The following CRISPLD1 variants were observed in gnomAD, a reference collection of about 807,000 sequenced individuals.
CRISPLD1 encodes cysteine rich secretory protein LCCL domain containing 1, also known as cysteine-rich secretory protein LCCL domain-containing 1.
A neutral mutation model predicts 77.5 loss-of-function variants in CRISPLD1; 60 were observed. The ratio of observed to expected loss-of-function variants is 0.77; its 90% CI spans 0.63 to 0.96. CRISPLD1 has a LOEUF of 0.96. Ranked by LOEUF, CRISPLD1 falls within the 40% of genes least tolerant of loss-of-function variation. CRISPLD1 has a pLI of 0.00. For missense variants in CRISPLD1, 623 were observed against 615.8 expected, an observed-to-expected ratio of 1.01 and a Z score of -0.12; for synonymous variants, 195 against 200.1, an observed-to-expected ratio of 0.97 and a Z score of 0.22.
rs1563395175 is a variant in CRISPLD1 at position 75,003,948 on chromosome 8, G to A, written c.259-8485G>A. 2.6e-5 allele frequency among the ~76,000 whole-genome samples: 4 copies of A among 152,226 alleles called. No homozygotes were observed. The East Asian group carries it at 5.8e-4, about 22-fold the overall frequency. On this transcript the variant is annotated intron_variant, in intron 2 of 14. Transcript: ENST00000262207. ...TGATATATTTATATATTGATACAAT[G>A]GGTTTAATTGAAATAATCTTGTGAG...
chr8:75,034,534 GCTCT>G lies in CRISPLD1; in HGVS notation c.*2295_*2298del, dbSNP rs1233916650. 6.6e-5 allele frequency: 10 copies of G among 152,000 alleles called. No homozygotes were observed. Among genetic ancestry groups the G allele is most frequent in the South Asian group, 4.1e-4 (2 of 4,824 alleles). The allele number at this position is 152,000 out of a possible 1,614,324, so 9.4% of individuals were successfully genotyped here. A position where few individuals can be genotyped will look rare whatever the true frequency, so the allele number is the denominator to read the frequency against. The stretch of plus-strand genomic sequence containing the variant: ...GTGATTCTCCTTGTAAGAATTAAAT[GCTCT>G]CTAATATGATATCCCTTTAATTTGA... On this transcript the variant is annotated 3_prime_UTR_variant, in exon 15 of 15. Transcript: ENST00000262207.
rs114637563 is a variant in CRISPLD1 at position 75,016,341 on chromosome 8, C to T, written c.728-224C>T. Among the ~76,000 whole-genome samples the T allele has an allele frequency of 5.3e-3, 801 of 152,100 alleles. 2 individuals carry two copies. The highest frequency in any genetic ancestry group is 0.011 in the African/African-American group (437 of 41,512). ...AGAAGTGGCTTCATTGAATATTAGTCGAACATTAACATAAATGAATCAAGG... is the reference window on the plus strand; with the variant it reads ...AGAAGTGGCTTCATTGAATATTAGTTGAACATTAACATAAATGAATCAAGG... On this transcript the variant is annotated intron_variant, in intron 6 of 14. Transcript: ENST00000262207.
intron 2 of CRISPLD1, among the ~76,000 whole-genome samples, chr8:75,002,613 A>G (rs1812764367): frequency 6.6e-6 from 1 of 151,922 alleles, no homozygotes; most frequent in African/African-American, 2.4e-5. Context: ...TGGTGAAGAC[A>G]GGTGCCTGGA....
At position 74,984,615 on chromosome 8, in the gene CRISPLD1, G is replaced by C. The variant is rs1181186343; in HGVS notation, c.-368G>C. On this transcript the variant is annotated 5_prime_UTR_variant, in exon 1 of 15. Coordinates refer to ENST00000262207, the MANE Select transcript of CRISPLD1 (RefSeq NM_031461.6). ...GTTCGTGTCCCCGCCCCTCGCTCCT[G>C]CAGCTACTGCTCAGAAACGCTGGGG... The C allele has an allele frequency of 6.5e-6, 1 of 152,822 alleles. No homozygotes were observed. Among genetic ancestry groups the C allele is most frequent in the Non-Finnish European group, 1.5e-5 (1 of 68,552 alleles). 9.5% of individuals were successfully genotyped at this position (152,822 alleles called of 1,614,324 possible). A position where few individuals can be genotyped will look rare whatever the true frequency, so the allele number is the denominator to read the frequency against.
At chr8:75,017,257 AG>A in intron 9 of CRISPLD1, 62 bp from the exon 10 acceptor site, 2 of 1,575,412 alleles carry the variant, frequency 1.3e-6, no homozygotes, top group Non-Finnish European at 1.7e-6. Context: ...AGTGGTAAAT[AG>A]TTGGGACTTA....
intron 14 of CRISPLD1, among the ~76,000 whole-genome samples, chr8:75,031,565 CTCTGTG>C (rs1161520034): frequency 8.6e-4 from 75 of 87,548 alleles, no homozygotes; most frequent in Non-Finnish European, 1.1e-3. Flanking sequence ...AGATTGAATG[CTCTGTG>C]TGTGTGTGTG....
intron 6 of CRISPLD1, among the ~76,000 whole-genome samples, chr8:75,015,602 G>A (rs1039218661): frequency 6.6e-6 from 1 of 152,130 alleles, no homozygotes; most frequent in African/African-American, 2.4e-5. Flanking sequence ...ACTAAAAGAG[G>A]AATAATGTAG....
intron 13 of CRISPLD1, chr8:75,026,785 A>G (rs1213721112): frequency 2.0e-5 from 3 of 152,014 alleles, no homozygotes; most frequent in Non-Finnish European, 4.4e-5. Context: ...ACTTACCAAG[A>G]TTTTTTTCAG....
chr8:75,012,670 C>T (rs556208820), intron 3 of CRISPLD1, 119 bp downstream of exon 3: 1 of 838,002 alleles, frequency 1.2e-6, no homozygotes, highest in African/African-American at 1.7e-5. Context: ...AATCACGAAA[C>T]AAGTAACAAA....
At chr8:75,002,338 A>G (rs1382764355) in intron 2 of CRISPLD1, among the ~76,000 whole-genome samples, 2 of 149,194 alleles carry the variant, frequency 1.3e-5, no homozygotes, top group African/African-American at 5.0e-5. Flanking sequence ...TTATAGGAAC[A>G]GGGGAAGAAG....
At chr8:75,027,128 A>G (rs1326445231) in intron 13 of CRISPLD1, among the ~76,000 whole-genome samples, 1 of 152,006 alleles carries the variant, frequency 6.6e-6, no homozygotes, top group Non-Finnish European at 1.5e-5. Context: ...GGGTATTATG[A>G]TTATTACCGT....
At chr8:75,003,628 A>G (rs1812781783) in intron 2 of CRISPLD1, among the ~76,000 whole-genome samples, 1 of 152,176 alleles carries the variant, frequency 6.6e-6, no homozygotes, top group Non-Finnish European at 1.5e-5. Flanking sequence ...AAAATGGCCT[A>G]ATGTCTATAG....
intron 2 of CRISPLD1, among the ~76,000 whole-genome samples, chr8:75,005,081 G>T (rs921036772): frequency 1.3e-5 from 2 of 152,026 alleles, no homozygotes; most frequent in Admixed American, 1.3e-4. Context: ...AATCTCCTTG[G>T]TTATCACAAA....
At chr8:75,023,458 A>T (rs1401393650) in intron 12 of CRISPLD1, among the ~76,000 whole-genome samples, 1 of 152,212 alleles carries the variant, frequency 6.6e-6, no homozygotes, top group Non-Finnish European at 1.5e-5. Flanking sequence ...AAGTTATAGA[A>T]ACTCAGATGG....
Position 75,020,032 on chromosome 8 carries a change from T to C in CRISPLD1, c.1197T>C (p.Thr399=), listed in dbSNP as rs1361542739. ...TTCAGGCTGTGACTTGTGAAACAAC[T>C]GTGGAACAGCTCTGTCCATTTCATA... ...VTVQAVTCET[T]VEQLCPFHKP... The change falls in exon 12 of 15, where the codon ACT becomes ACC. Residue 399 remains threonine (T), a synonymous_variant. Transcript: ENST00000262207. 6.2e-7 allele frequency: 1 copy of C among 1,614,190 alleles called. No individual in the cohort carries two copies. The highest frequency in any genetic ancestry group is 2.2e-5 in the East Asian group (1 of 44,864).
chr8:75,016,098 A>G (rs1254667843), intron 6 of CRISPLD1, among the ~76,000 whole-genome samples: 2 of 152,152 alleles, frequency 1.3e-5, no homozygotes, highest in Non-Finnish European at 2.9e-5. Context: ...ATGGACATGG[A>G]TTTTGTCATA....
At chr8:75,014,283 GA>G in intron 5 of CRISPLD1, among the ~76,000 whole-genome samples, 181 bp downstream of exon 5, 1 of 152,176 alleles carries the variant, frequency 6.6e-6, no homozygotes, top group East Asian at 1.9e-4. Context: ...CATAAAGGGG[GA>G]TATGAAATAT....
intron 12 of CRISPLD1, among the ~76,000 whole-genome samples, chr8:75,022,528 C>CAGTG (rs1447361124): frequency 2.0e-5 from 3 of 148,558 alleles, no homozygotes; most frequent in Non-Finnish European, 4.4e-5. Context: ...GCCGAGCTTG[C>CAGTG]AGTGAGCTGA....
At chr8:74,987,326 T>G (rs191098791) in intron 2 of CRISPLD1, among the ~76,000 whole-genome samples, 55 of 152,332 alleles carry the variant, frequency 3.6e-4, no homozygotes, top group Admixed American at 7.8e-4. Context: ...TGAGGCTGTC[T>G]GGGTTAAACT....
Sources: gnomAD v4.1 joint callset for allele counts (sites outside exome capture counted in the v4.1 genomes callset) on GRCh38, gnomAD v4.1.1 for gene constraint, MANE v1.5 for transcripts, NCBI Gene and HGNC (gene_info 2026-07-23, HGNC 2026-07-21) for gene names.